Variants in FUS observed in about 807,000 individuals in gnomAD.
FUS encodes the protein RNA-binding protein FUS.
In FUS, 5 loss-of-function variants were observed where a neutral mutation model predicts 82.7. The observed-to-expected ratio is 0.06, with a 90% confidence interval of 0.03 to 0.13. FUS has a LOEUF of 0.13. Among genes scored for constraint, FUS ranks in the 10% least tolerant of loss-of-function variants. FUS has a pLI of 1.00. For missense variants in FUS, 512 were observed against 707.8 expected (o/e 0.72, Z 3.14); for synonymous variants, 281 against 247.4 (o/e 1.14, Z -1.27).
At chr16:31,185,669 G>C in intron 6 of FUS, 1 of 461,016 alleles carries the variant, frequency 2.2e-6, no homozygotes, top group Non-Finnish European at 4.4e-6. Context: ...CCACGAGCTT[G>C]ATTTGCACTA....
chr16:31,194,642 T>G (rs1342859982), downstream of FUS: 2 of 489,508 alleles, frequency 4.1e-6, no homozygotes, highest in East Asian at 9.5e-5. Context: ...TATATATTTA[T>G]GGGGTACAAT....
chr16:31,193,048 C>T (rs538629605), downstream of FUS: 58 of 484,524 alleles, frequency 1.2e-4, no homozygotes, highest in South Asian at 2.9e-4. Flanking sequence ...CCGCAACTGC[C>T]GCCTCCTGGG....
downstream of FUS, chr16:31,194,083 C>T (rs2144155230): frequency 1.9e-6 from 1 of 534,248 alleles, no homozygotes; most frequent in East Asian, 3.9e-5. Flanking sequence ...CTGTTTGTCC[C>T]TTCCTTGATG....
rs1333430287 is a variant in FUS at position 31,180,604 on chromosome 16, C to G, written c.13+377C>G. ...TCGCAGTGCTGCATCCGGGCACTCG[C>G]GGCGCGCACGCGCTCTGCGGGCCCC... On this transcript the variant is annotated intron_variant, in intron 1 of 14. Transcript: ENST00000254108. 2.0e-5 allele frequency among the ~76,000 whole-genome samples: 3 copies of G among 152,356 alleles called. No homozygotes were observed. In the East Asian group the frequency reaches 5.8e-4, roughly 29 times the overall value.
intron 12 of FUS, 156 bp from the exon 13 acceptor site, chr16:31,190,586 A>C: frequency 8.6e-7 from 1 of 1,166,448 alleles, no homozygotes; most frequent in Non-Finnish European, 1.3e-6. Flanking sequence ...GTTCAGTAAT[A>C]CTGATTTTTG....
chr16:31,191,919 A>C, downstream of FUS: 1 of 535,212 alleles, frequency 1.9e-6, no homozygotes, highest in Non-Finnish European at 3.6e-6. Flanking sequence ...ATCCCTTTTT[A>C]AGAACTCTTT....
chr16:31,189,070 T>C, intron 8 of FUS, 53 bp from the exon 9 acceptor site: 2 of 1,398,110 alleles, frequency 1.4e-6, no homozygotes, highest in Non-Finnish European at 2.0e-6. Context: ...GGTTTTTTCC[T>C]GTGTTTTTTA....
downstream of FUS, chr16:31,194,637 A>G (rs1045926430): frequency 1.0e-5 from 5 of 489,886 alleles, no homozygotes; most frequent in East Asian, 9.5e-5. Flanking sequence ...ACTTGTATAT[A>G]TTTATGGGGT....
chr16:31,188,429 C>CT, intron 8 of FUS, 72 bp downstream of exon 8: 1 of 1,522,050 alleles, frequency 6.6e-7, no homozygotes, highest in Middle Eastern at 1.7e-4. Context: ...TTCTTTGAAA[C>CT]TATTATAAAA....
intron 5 of FUS, 74 bp from the exon 6 acceptor site, chr16:31,184,865 C>A: frequency 6.6e-7 from 1 of 1,512,628 alleles, no homozygotes; most frequent in Non-Finnish European, 9.1e-7. Flanking sequence ...ACTTGTCAAA[C>A]CTTTTCAAAC....
At chr16:31,183,270 TC>T (rs2144104705) in intron 3 of FUS, 1 of 172,740 alleles carries the variant, frequency 5.8e-6, no homozygotes, top group South Asian at 1.2e-4. Flanking sequence ...AGGCCCCATC[TC>T]AAAAACATAA....
intron 3 of FUS, 108 bp from the exon 4 acceptor site, chr16:31,183,750 T>C (rs1298141741): frequency 1.4e-6 from 2 of 1,379,578 alleles, no homozygotes; most frequent in East Asian, 4.6e-5. Flanking sequence ...ACTAACAGCT[T>C]CTGAGAGGCT....
chr16:31,184,187 GTTT>G lies in FUS; in HGVS notation c.336-18_336-16del. On this transcript the variant is annotated intron_variant, in intron 4 of 14. Transcript: ENST00000254108. Reference sequence around the variant, plus strand: ...GGGGCTATGCTGGGATTGTGATTGTGTTTTTTGTTTGTTTTCCCTAGTTACGGT... The same window carrying G: ...GGGGCTATGCTGGGATTGTGATTGTGTTTGTTTGTTTTCCCTAGTTACGGT... 1.2e-6 allele frequency: 2 copies of G among 1,614,160 alleles called. No homozygotes were observed. The highest frequency in any genetic ancestry group is 1.7e-6 in the Non-Finnish European group (2 of 1,180,012).
At chr16:31,193,270 C>A (rs1295220769), downstream of FUS, 1 of 510,544 alleles carries the variant, frequency 2.0e-6, no homozygotes, top group South Asian at 1.5e-5. Context: ...GCTCTCTAAG[C>A]AACAGTAGGC....
At chr16:31,189,640 T>C (rs748632640) in intron 9 of FUS, 25 bp from the exon 10 acceptor site, 5 of 1,614,008 alleles carry the variant, frequency 3.1e-6, no homozygotes, top group Non-Finnish European at 4.2e-6. Context: ...TTAAAATTGA[T>C]GTTACCTCAT....
At chr16:31,180,543 C>T (rs2058040432) in intron 1 of FUS, among the ~76,000 whole-genome samples, 1 of 152,178 alleles carries the variant, frequency 6.6e-6, no homozygotes, top group African/African-American at 2.4e-5. Flanking sequence ...GGCCTCGCCT[C>T]CCCCAACTCC....
intron 3 of FUS, chr16:31,182,872 A>G (rs999320824): frequency 6.9e-6 from 4 of 582,866 alleles, no homozygotes; most frequent in Non-Finnish European, 9.2e-6. Flanking sequence ...ACCTGCTACC[A>G]CGCCTGGCTA....
intron 1 of FUS, among the ~76,000 whole-genome samples, chr16:31,180,729 G>C (rs2144093258): frequency 6.6e-6 from 1 of 152,286 alleles, no homozygotes; most frequent in East Asian, 1.9e-4. Context: ...CGTCCGGTGT[G>C]AGCCTTGTCC....
downstream of FUS, chr16:31,193,540 C>T (rs1409893475): frequency 3.8e-6 from 2 of 529,992 alleles, no homozygotes; most frequent in African/African-American, 1.9e-5. Flanking sequence ...GGTCGAAGCT[C>T]CTTGTAAGAT....
Sources: gnomAD v4.1 joint callset for allele counts (sites outside exome capture counted in the v4.1 genomes callset) on GRCh38, gnomAD v4.1.1 for gene constraint, MANE v1.5 for transcripts, NCBI Gene and HGNC (gene_info 2026-07-23, HGNC 2026-07-21) for gene names.